The following SGCZ variants were observed in gnomAD, a reference collection of about 807,000 sequenced individuals.
The protein encoded by SGCZ is zeta-sarcoglycan.
In SGCZ, 40 loss-of-function variants were observed where a neutral mutation model predicts 41.3. The observed-to-expected ratio is 0.97, with a 90% CI of 0.75 to 1.26. SGCZ has a LOEUF of 1.26. Among genes scored for constraint, SGCZ ranks in the 50% most tolerant of loss-of-function variants. The pLI is 0.00. For synonymous variants in SGCZ, 206 were observed against 137.5 expected (o/e 1.50, Z -3.49); for missense variants, 552 against 369.8 (o/e 1.49, Z -4.04).
chr8:14,326,007 A>G (rs1222203990), intron 2 of SGCZ, among the ~76,000 whole-genome samples: 41 of 147,618 alleles, frequency 2.8e-4, no homozygotes, highest in African/African-American at 9.6e-4. Context: ...AGGTACTCGG[A>G]AGGCTGAGGC....
At chr8:14,293,499 GTTAC>G (rs1800910495) in intron 3 of SGCZ, among the ~76,000 whole-genome samples, 1 of 151,922 alleles carries the variant, frequency 6.6e-6, no homozygotes, top group East Asian at 1.9e-4. Context: ...ATGTCATTCA[GTTAC>G]TTAGACTTTT....
At chr8:15,056,558 A>G (rs1295046837) in intron 1 of SGCZ, among the ~76,000 whole-genome samples, 1 of 150,864 alleles carries the variant, frequency 6.6e-6, no homozygotes, top group Non-Finnish European at 1.5e-5. Flanking sequence ...AAAAAAAAAC[A>G]TTAGAAATGA....
rs955813700 is a variant in SGCZ at position 14,486,608 on chromosome 8, C to G, written c.234+68124G>C. Among the ~76,000 whole-genome samples the G allele has an allele frequency of 6.6e-5, 10 of 152,218 alleles. 1 individual carries two copies. The highest frequency in any genetic ancestry group is 6.5e-4 in the Admixed American group (10 of 15,286). On this transcript the variant is annotated intron_variant, in intron 2 of 7. Transcript: ENST00000382080. ...CGCGCGTGCGCACGTGTGTCTTTCT[C>G]TGCTGCCCAGGCTGAAGTGCCACGG...
At chr8:14,465,925 C>A (rs1801036068) in intron 2 of SGCZ, among the ~76,000 whole-genome samples, 1 of 151,458 alleles carries the variant, frequency 6.6e-6, no homozygotes, top group Non-Finnish European at 1.5e-5. Context: ...TACAATAACA[C>A]CAGCTTTAGA....
intron 2 of SGCZ, among the ~76,000 whole-genome samples, chr8:14,483,776 T>G (rs1405025357): frequency 6.6e-6 from 1 of 152,178 alleles, no homozygotes. Context: ...ATATATAAAA[T>G]ACTATGTATA....
rs140737090 is a variant in SGCZ at position 15,050,552 on chromosome 8, T to C, written c.39+187033A>G. On this transcript the variant is annotated intron_variant, in intron 1 of 7. Transcript: ENST00000382080. ...TGATGTAAGAAGAGAACTATGAGTATGCGCAGTTGAAGCCAAGAGAAGTGA... is the reference window on the plus strand; with the variant it reads ...TGATGTAAGAAGAGAACTATGAGTACGCGCAGTTGAAGCCAAGAGAAGTGA... 1.1e-3 allele frequency among the ~76,000 whole-genome samples: 165 copies of C among 152,274 alleles called. 1 individual carries two copies. Among genetic ancestry groups the C allele is most frequent in the African/African-American group, 3.9e-3 (161 of 41,568 alleles).
intron 3 of SGCZ, among the ~76,000 whole-genome samples, chr8:14,278,271 G>C (rs1286256653): frequency 6.6e-6 from 1 of 152,102 alleles, no homozygotes; most frequent in African/African-American, 2.4e-5. Flanking sequence ...ACATTTGTGA[G>C]ACCTCTATGA....
intron 3 of SGCZ, among the ~76,000 whole-genome samples, chr8:14,239,248 AACACAC>A (rs36209114): frequency 0.05 from 7,463 of 149,262 alleles, 231 homozygotes; most frequent in East Asian, 0.1. Flanking sequence ...TTCATACATG[AACACAC>A]ACACACACAC....
At chr8:15,196,638 A>G (rs1313318003) in intron 1 of SGCZ, among the ~76,000 whole-genome samples, 1 of 141,172 alleles carries the variant, frequency 7.1e-6, no homozygotes, top group Non-Finnish European at 1.6e-5. Context: ...TTATTTATTT[A>G]TTTATTATTA....
At chr8:14,388,047 C>G (rs1038805352) in intron 2 of SGCZ, among the ~76,000 whole-genome samples, 18 of 152,008 alleles carry the variant, frequency 1.2e-4, no homozygotes, top group Admixed American at 9.8e-4. Context: ...GCAGTATGGT[C>G]TTTAGTAGGA....
intron 2 of SGCZ, among the ~76,000 whole-genome samples, chr8:14,353,104 C>A (rs1438526906): frequency 3.9e-5 from 6 of 151,978 alleles, no homozygotes. Context: ...CTTACACATA[C>A]GATTTCTATG....
At chr8:14,586,077 A>C (rs572732846) in intron 1 of SGCZ, among the ~76,000 whole-genome samples, 1 of 152,282 alleles carries the variant, frequency 6.6e-6, no homozygotes, top group Non-Finnish European at 1.5e-5. Context: ...ATAACGGACT[A>C]GTTAATCCTA....
intron 1 of SGCZ, among the ~76,000 whole-genome samples, chr8:14,896,224 G>A (rs1805193898): frequency 6.6e-6 from 1 of 152,130 alleles, no homozygotes; most frequent in Admixed American, 6.6e-5. Context: ...ATCCGGGAAA[G>A]CTGACTTTCA....
At chr8:14,138,588 CAAAG>C (rs1381634725) in intron 5 of SGCZ, among the ~76,000 whole-genome samples, 1 of 150,606 alleles carries the variant, frequency 6.6e-6, no homozygotes, top group African/African-American at 2.4e-5. Flanking sequence ...TCAAAAGAGA[CAAAG>C]AAGGGCATTA....
At chr8:14,447,568 G>A (rs1321175653) in intron 2 of SGCZ, among the ~76,000 whole-genome samples, 10 of 152,090 alleles carry the variant, frequency 6.6e-5, no homozygotes, top group Admixed American at 6.6e-4. Flanking sequence ...ACATTTAAAA[G>A]CAATCAACAT....
intron 2 of SGCZ, among the ~76,000 whole-genome samples, chr8:14,477,210 C>T (rs1801386808): frequency 6.6e-6 from 1 of 151,918 alleles, no homozygotes; most frequent in African/African-American, 2.4e-5. Context: ...TAAAATTATT[C>T]ATATGAATTT....
intron 1 of SGCZ, among the ~76,000 whole-genome samples, chr8:14,613,076 C>T (rs1237114119): frequency 6.6e-6 from 1 of 152,154 alleles, no homozygotes; most frequent in African/African-American, 2.4e-5. Flanking sequence ...AGGGAGGCTG[C>T]ACCCTGTGCC....
At chr8:14,328,919 A>G (rs28621468) in intron 2 of SGCZ, among the ~76,000 whole-genome samples, 2,281 of 152,338 alleles carry the variant, frequency 0.015, 58 homozygotes, top group African/African-American at 0.052. Context: ...CAGGTAGGAT[A>G]CAGAGCATTC....
intron 1 of SGCZ, among the ~76,000 whole-genome samples, chr8:15,039,241 T>C (rs1803987570): frequency 1.3e-5 from 2 of 152,136 alleles, no homozygotes; most frequent in African/African-American, 2.4e-5. Context: ...TGTCAATTGA[T>C]GGATGGATGA....
Sources: gnomAD v4.1 joint callset for allele counts (sites outside exome capture counted in the v4.1 genomes callset) on GRCh38, gnomAD v4.1.1 for gene constraint, MANE v1.5 for transcripts, NCBI Gene and HGNC (gene_info 2026-07-23, HGNC 2026-07-21) for gene names.